Variants in C2orf80 observed in about 807,000 individuals in gnomAD.
C2orf80 encodes the protein uncharacterized protein C2orf80.
A neutral mutation model predicts 30.2 loss-of-function variants in C2orf80; 28 were observed. That is an observed-to-expected ratio of 0.93 (90% CI 0.69 to 1.27). The LOEUF (loss-of-function observed/expected upper bound fraction) is 1.27, where lower values mean the gene tolerates loss of function less well. Among genes scored for constraint, C2orf80 ranks in the 50% most tolerant of loss-of-function variants. The pLI, the probability that C2orf80 is intolerant of heterozygous loss-of-function variation, is 0.00. For missense variants in C2orf80, 220 were observed against 231.0 expected, an observed-to-expected ratio of 0.95 and a Z score of 0.31; for synonymous variants, 80 against 76.4, an observed-to-expected ratio of 1.05 and a Z score of -0.24.
At chr2:208,180,472 A>G (rs1227053367) in intron 6 of C2orf80, among the ~76,000 whole-genome samples, 3 of 151,664 alleles carry the variant, frequency 2.0e-5, no homozygotes, top group Non-Finnish European at 2.9e-5. Flanking sequence ...CAAAACCACA[A>G]CAGAGTAAAG....
chr2:208,176,124 T>C (rs377065287), intron 6 of C2orf80, among the ~76,000 whole-genome samples: 1 of 152,288 alleles, frequency 6.6e-6, no homozygotes, highest in East Asian at 1.9e-4. Context: ...TTTAGAGCAG[T>C]GGTTCTCAAT....
At chr2:208,169,329 T>G (rs966382272) in intron 8 of C2orf80, among the ~76,000 whole-genome samples, 1 of 151,392 alleles carries the variant, frequency 6.6e-6, no homozygotes, top group African/African-American at 2.4e-5. Context: ...TTCATTGTTG[T>G]TTTGTTTTGC....
At chr2:208,168,635 T>C (rs1330984115) in intron 8 of C2orf80, 1 of 123,040 alleles carries the variant, frequency 8.1e-6, no homozygotes. Context: ...CACTCCAGCC[T>C]GGGCGACAGA....
At chr2:208,165,844 A>T in intron 8 of C2orf80, 29 bp from the exon 9 acceptor site, 1 of 1,553,270 alleles carries the variant, frequency 6.4e-7, no homozygotes, top group Non-Finnish European at 8.9e-7. Context: ...TTTTGGTATC[A>T]AGCACATCAA....
chr2:208,176,941 C>CTGTACAGATA lies in C2orf80; in HGVS notation c.366+3803_366+3804insTATCTGTACA, dbSNP rs1696341916. Among the ~76,000 whole-genome samples, 2 of 30,220 alleles carry CTGTACAGATA rather than the reference C, an allele frequency of 6.6e-5. 1 individual carries two copies. The highest frequency in any genetic ancestry group is 2.1e-4 in the Non-Finnish European group (2 of 9,426). 19.8% of individuals were successfully genotyped at this position (30,220 alleles called of 152,430 possible). On this transcript the variant is annotated intron_variant, in intron 6 of 8. Transcript: ENST00000341287. The stretch of plus-strand genomic sequence containing the variant: ...TATCTGTATACATATGTATACATAT[C>CTGTACAGATA]TGTATACATATCTGTATACATATGT...
chr2:208,174,285 G>A (rs58302395), intron 6 of C2orf80, among the ~76,000 whole-genome samples: 1 of 152,052 alleles, frequency 6.6e-6, no homozygotes, highest in Admixed American at 6.6e-5. Context: ...TTGAACTTTT[G>A]TTTAAAACAT....
Position 208,176,947 on chromosome 2 carries a change from ACATATC to A in C2orf80, c.366+3792_366+3797del, listed in dbSNP as rs1320806019. Among the ~76,000 whole-genome samples the A allele has an allele frequency of 2.4e-4, 27 of 111,166 alleles. 3 individuals carry two copies. Among genetic ancestry groups the A allele is most frequent in the African/African-American group, 6.3e-4 (19 of 30,182 alleles). 72.9% of individuals were successfully genotyped at this position (111,166 alleles called of 152,430 possible). A position where few individuals can be genotyped will look rare whatever the true frequency, so the allele number is the denominator to read the frequency against. On this transcript the variant is annotated intron_variant, in intron 6 of 8. Coordinates refer to ENST00000341287, the MANE Select transcript of C2orf80 (RefSeq NM_001099334.3). ...TATACATATGTATACATATCTGTAT[ACATATC>A]TGTATACATATGTATACATATATAC...
At chr2:208,173,670 C>T (rs1303645095) in intron 6 of C2orf80, among the ~76,000 whole-genome samples, 1 of 151,818 alleles carries the variant, frequency 6.6e-6, no homozygotes, top group East Asian at 1.9e-4. Flanking sequence ...AAAAAATGTG[C>T]AAAATTAAAC....
At chr2:208,172,160 A>G (rs1342553030) in intron 6 of C2orf80, 85 bp from the exon 7 acceptor site, 1 of 1,059,678 alleles carries the variant, frequency 9.4e-7, no homozygotes, top group Non-Finnish European at 1.5e-6. Context: ...GGCCTATTTA[A>G]TCAACTCAGA....
At position 208,176,902 on chromosome 2, in the gene C2orf80, T is replaced by G. The variant is rs796801689; in HGVS notation, c.366+3843A>C. Reference sequence around the variant, plus strand: ...GTATACATAGGTGTATATATATACATATCTGTGTATACATATCTGTATACA... The same window carrying G: ...GTATACATAGGTGTATATATATACAGATCTGTGTATACATATCTGTATACA... On this transcript the variant is annotated intron_variant, in intron 6 of 8. Transcript: ENST00000341287. Among the ~76,000 whole-genome samples, 27 of 91,222 alleles carry G rather than the reference T, an allele frequency of 3.0e-4. 1 individual carries two copies. The highest frequency in any genetic ancestry group is 1.2e-3 in the African/African-American group (25 of 20,774). 59.8% of individuals were successfully genotyped at this position (91,222 alleles called of 152,430 possible).
chr2:208,186,545 TAA>T (rs1696723059), intron 2 of C2orf80, among the ~76,000 whole-genome samples: 1 of 152,324 alleles, frequency 6.6e-6, no homozygotes, highest in East Asian at 1.9e-4. Flanking sequence ...AGGCTGACAA[TAA>T]AAGAGGCAGA....
chr2:208,177,979 G>A (rs187808954), intron 6 of C2orf80, among the ~76,000 whole-genome samples: 4 of 151,916 alleles, frequency 2.6e-5, no homozygotes, highest in East Asian at 1.9e-4. Flanking sequence ...ACCACGCCCC[G>A]CTAATTTTTT....
chr2:208,185,076 G>C lies in C2orf80; in HGVS notation c.42-44C>G, dbSNP rs114033945. 2.7e-6 allele frequency: 4 copies of C among 1,479,830 alleles called. No homozygotes were observed. The African/African-American group carries it at 5.6e-5, about 21-fold the overall frequency. The allele number at this position is 1,479,830 out of a possible 1,614,324, so 91.7% of individuals were successfully genotyped here. ...GCATTGAACCATTGGAGTGACACGG[G>C]CTCAGTCTGCAGAAAAAGGCTTTTT... On this transcript the variant is annotated intron_variant, in intron 2 of 8. Coordinates refer to ENST00000341287, the MANE Select transcript of C2orf80 (RefSeq NM_001099334.3).
At chr2:208,180,633 T>C in intron 6 of C2orf80, 112 bp downstream of exon 6, 1 of 816,842 alleles carries the variant, frequency 1.2e-6, no homozygotes, top group East Asian at 2.7e-5. Flanking sequence ...TACATTTTGA[T>C]GTAAAACTGT....
At chr2:208,187,968 G>T (rs1696767125) in intron 1 of C2orf80, among the ~76,000 whole-genome samples, 1 of 152,098 alleles carries the variant, frequency 6.6e-6, no homozygotes, top group African/African-American at 2.4e-5. Flanking sequence ...TCTTCCCTGA[G>T]TCTGCTGGCA....
chr2:208,182,838 G>C (rs921684635), intron 4 of C2orf80, 127 bp downstream of exon 4: 8 of 780,158 alleles, frequency 1.0e-5, no homozygotes, highest in Non-Finnish European at 1.8e-5. Context: ...GTTGAAGAGG[G>C]ATATTCACCC....
intron 8 of C2orf80, among the ~76,000 whole-genome samples, chr2:208,167,070 A>G (rs1443490276): frequency 6.6e-6 from 1 of 152,220 alleles, no homozygotes; most frequent in East Asian, 1.9e-4. Context: ...CAGAGAGATT[A>G]GGTAACTCAC....
At chr2:208,175,748 T>A (rs1545355) in intron 6 of C2orf80, among the ~76,000 whole-genome samples, 71,613 of 151,466 alleles carry the variant, frequency 0.47, 18,105 homozygotes, top group East Asian at 0.74. Context: ...TTTTTTTTTT[T>A]AAAAAACTCT....
rs1175602568 is a variant in C2orf80, at chr2:208,184,936, CG to C, written c.123+14del. ...ATAACACAAATATGACTCGCATCAG[CG>C]TGCCTTTCTTTACCATATCATCTAG... On this transcript the variant is annotated intron_variant, in intron 3 of 8. Transcript: ENST00000341287. 6.2e-7 allele frequency: 1 copy of C among 1,601,568 alleles called. No individual in the cohort carries two copies. The highest frequency in any genetic ancestry group is 8.6e-7 in the Non-Finnish European group (1 of 1,169,266).
Sources: gnomAD v4.1 joint callset for allele counts (sites outside exome capture counted in the v4.1 genomes callset) on GRCh38, gnomAD v4.1.1 for gene constraint, MANE v1.5 for transcripts, NCBI Gene and HGNC (gene_info 2026-07-23, HGNC 2026-07-21) for gene names.